The following CAST variants were observed in gnomAD, a reference collection of about 807,000 sequenced individuals.
CAST encodes calpastatin, also known as MIR583 host.
Under a neutral mutation model 119.6 loss-of-function variants are expected in CAST, and 76 were observed. The ratio of observed to expected loss-of-function variants is 0.64; its 90% CI spans 0.53 to 0.77. The LOEUF is 0.77. Among genes scored for constraint, CAST ranks in the 30% least tolerant of loss-of-function variants. The pLI is 0.00. For synonymous variants in CAST, 319 were observed against 331.6 expected (o/e 0.96, Z 0.41); for missense variants, 953 against 946.5 (o/e 1.01, Z -0.09).
chr5:96,757,608 A>C lies in CAST; in HGVS notation c.1787A>C (p.Asp596Ala). 1 of 1,613,388 alleles carries C rather than the reference A, an allele frequency of 6.2e-7. No individual in the cohort carries two copies. Among genetic ancestry groups the C allele is most frequent in the Non-Finnish European group, 8.5e-7 (1 of 1,179,806 alleles). The stretch of plus-strand genomic sequence containing the variant: ...CCCATGAGTGAAGACTTCCTTCTGG[A>C]TGCTTTGTCTGAGGACTTCTCTGGT... Reference protein sequence around the residue: ...LPPMSEDFLLDALSEDFSGPQ... With the variant: ...LPPMSEDFLLAALSEDFSGPQ... Residue 596 changes from aspartate (D) to alanine (A), a missense_variant, in exon 24 of 32, where the codon GAT becomes GCT. Physicochemically the swap from Asp to Ala is moderately radical, Grantham distance 126. Coordinates refer to ENST00000675179, the MANE Select transcript of CAST (RefSeq NM_001750.7).
chr5:96,427,800 A>T, the CAST span, among the ~76,000 whole-genome samples: 1 of 152,146 alleles, frequency 6.6e-6, no homozygotes, highest in African/African-American at 2.4e-5. Flanking sequence ...CAAAGAAGGA[A>T]ATCTCTCTTC....
chr5:96,310,133 T>G, the CAST span, among the ~76,000 whole-genome samples: 3 of 152,368 alleles, frequency 2.0e-5, 1 homozygote, highest in Admixed American at 2.0e-4. Context: ...GTTTTTATCA[T>G]GAAAGAACAT....
At chr5:96,050,702 C>T in the CAST span, among the ~76,000 whole-genome samples, 3 of 152,238 alleles carry the variant, frequency 2.0e-5, no homozygotes, top group South Asian at 2.1e-4. Flanking sequence ...TGCTCCAATC[C>T]CTGCTGGGGT....
At chr5:96,003,552 A>AG in the CAST span, among the ~76,000 whole-genome samples, 3 of 151,952 alleles carry the variant, frequency 2.0e-5, no homozygotes, top group Non-Finnish European at 4.4e-5. Flanking sequence ...AAAAAAAAAA[A>AG]AAAAATCAAA....
the CAST span, among the ~76,000 whole-genome samples, chr5:95,972,689 CA>C: frequency 6.6e-6 from 1 of 152,096 alleles, no homozygotes; most frequent in Admixed American, 6.6e-5. Context: ...TTTTGCAGAG[CA>C]AAAAAAGTTT....
chr5:96,408,142 A>T, the CAST span: 1 of 977,664 alleles, frequency 1.0e-6, no homozygotes, highest in Non-Finnish European at 1.6e-6. Flanking sequence ...TCCTGTAACC[A>T]TGTATTCAGA....
chr5:96,418,295 C>T, the CAST span, among the ~76,000 whole-genome samples: 2 of 152,160 alleles, frequency 1.3e-5, no homozygotes, highest in African/African-American at 4.8e-5. Flanking sequence ...TTTCTATTAT[C>T]TTAGAACAAT....
intron 1 of CAST, among the ~76,000 whole-genome samples, chr5:96,622,195 C>G (rs1272235474): frequency 6.6e-6 from 1 of 151,920 alleles, no homozygotes; most frequent in Admixed American, 6.6e-5. Context: ...GTCTCTATCT[C>G]CTGACCTCAT....
At chr5:96,028,784 T>C in the CAST span, among the ~76,000 whole-genome samples, 1 of 152,084 alleles carries the variant, frequency 6.6e-6, no homozygotes, top group African/African-American at 2.4e-5. Context: ...TTAATGAATA[T>C]TTCATTGGTT....
the CAST span, among the ~76,000 whole-genome samples, chr5:96,493,074 C>G: frequency 6.6e-6 from 1 of 152,144 alleles, no homozygotes; most frequent in African/African-American, 2.4e-5. Flanking sequence ...ATTTTATTTT[C>G]TATACACCAA....
intron 1 of CAST, among the ~76,000 whole-genome samples, chr5:96,623,004 C>T (rs1580850299): frequency 6.6e-6 from 1 of 151,698 alleles, no homozygotes; most frequent in East Asian, 1.9e-4. Context: ...GCTGGGACTA[C>T]AGGTGCGCAC....
chr5:96,765,412 T>A (rs1769566743), intron 26 of CAST, 87 bp downstream of exon 26: 2 of 687,928 alleles, frequency 2.9e-6, no homozygotes, highest in East Asian at 5.5e-5. Flanking sequence ...CATAGGAATA[T>A]TGATGTGAAC....
chr5:96,354,192 C>T, the CAST span, among the ~76,000 whole-genome samples: 2 of 152,224 alleles, frequency 1.3e-5, no homozygotes, highest in African/African-American at 4.8e-5. Context: ...AGCCCCTGCT[C>T]ATTTTCCCCT....
At chr5:96,568,293 G>A (rs144196152) in intron 1 of CAST, among the ~76,000 whole-genome samples, 5 of 152,156 alleles carry the variant, frequency 3.3e-5, no homozygotes, top group East Asian at 1.9e-4. Context: ...GGCCGGACAC[G>A]GTGGCTCACG....
chr5:96,478,211 T>C, the CAST span, among the ~76,000 whole-genome samples: 2 of 152,204 alleles, frequency 1.3e-5, no homozygotes, highest in South Asian at 4.1e-4. Context: ...ATATTATCTA[T>C]CCTAAGAAAG....
At chr5:96,644,299 A>G (rs572762922) in intron 1 of CAST, among the ~76,000 whole-genome samples, 1 of 152,320 alleles carries the variant, frequency 6.6e-6, no homozygotes, top group African/African-American at 2.4e-5. Context: ...TACCCATTTT[A>G]TATTTACTGC....
Position 96,722,657 on chromosome 5 carries a change from G to A in CAST, c.229G>A (p.Ala77Thr). ...TTTCTAGGTGTCAGCTTCCTCTGGTGCAACCAGCAAGTCTTCCAGTATGAA... is the reference window on the plus strand; with the variant it reads ...TTTCTAGGTGTCAGCTTCCTCTGGTACAACCAGCAAGTCTTCCAGTATGAA... ...SATKVSASSG[A>T]TSKSSSMNPT... The change falls in exon 4 of 32, where the codon GCA becomes ACA. Residue 77 changes from alanine to threonine, a missense_variant. Coordinates refer to ENST00000675179, the MANE Select transcript of CAST (RefSeq NM_001750.7). The A allele has an allele frequency of 6.2e-7, 1 of 1,613,166 alleles. No homozygotes were observed. Among genetic ancestry groups the A allele is most frequent in the Non-Finnish European group, 8.5e-7 (1 of 1,179,106 alleles).
chr5:96,481,091 G>T, the CAST span, among the ~76,000 whole-genome samples: 1 of 149,696 alleles, frequency 6.7e-6, no homozygotes, highest in Non-Finnish European at 1.5e-5. Context: ...CATGTGGAGA[G>T]AAAAGCTCTC....
the CAST span, among the ~76,000 whole-genome samples, chr5:96,040,082 C>T: frequency 6.6e-6 from 1 of 152,132 alleles, no homozygotes; most frequent in Non-Finnish European, 1.5e-5. Flanking sequence ...TGAAGAGATC[C>T]TTCACATCCC....
Sources: gnomAD v4.1 joint callset for allele counts (sites outside exome capture counted in the v4.1 genomes callset) on GRCh38, gnomAD v4.1.1 for gene constraint, MANE v1.5 for transcripts, NCBI Gene and HGNC (gene_info 2026-07-23, HGNC 2026-07-21) for gene names.